PTK2: variants seen among roughly 807,000 people sequenced by gnomAD.
PTK2 encodes the protein focal adhesion kinase 1.
Under a neutral mutation model 150.1 loss-of-function variants are expected in PTK2, and 45 were observed. The observed-to-expected ratio is 0.30, with a 90% CI of 0.24 to 0.38. The LOEUF (loss-of-function observed/expected upper bound fraction) is 0.38, where lower values mean the gene tolerates loss of function less well. Among genes scored for constraint, PTK2 ranks in the 10% least tolerant of loss-of-function variants. PTK2 has a pLI of 1.00. For missense variants in PTK2, 919 were observed against 1,307.3 expected (o/e 0.70, Z 4.58); for synonymous variants, 432 against 449.2 (o/e 0.96, Z 0.48).
chr8:140,694,666 C>T (rs754808205), intron 26 of PTK2, among the ~76,000 whole-genome samples: 1 of 152,134 alleles, frequency 6.6e-6, no homozygotes, highest in Non-Finnish European at 1.5e-5. Flanking sequence ...TAGCTCTGGG[C>T]CTAGCTCATG....
At chr8:140,758,670 A>G (rs73369982) in intron 16 of PTK2, among the ~76,000 whole-genome samples, 6,206 of 152,310 alleles carry the variant, frequency 0.041, 332 homozygotes, top group African/African-American at 0.12. Context: ...AATAGAAAAA[A>G]GCTTAAAAGG....
rs896124755 is a variant in PTK2, at chr8:140,845,009, T to A, written c.593+1251A>T. Among the ~76,000 whole-genome samples the A allele has an allele frequency of 2.0e-5, 3 of 152,058 alleles. No individual in the cohort carries two copies. In the South Asian group the frequency reaches 6.2e-4, roughly 32 times the overall value. On this transcript the variant is annotated intron_variant, in intron 7 of 31. Coordinates refer to ENST00000522684, the Ensembl canonical transcript of PTK2. ...CTCCCTGTCCCTAATTCAAATGTAA[T>A]CAGCCTCCAGTCAGACTCTACCTCT...
intron 8 of PTK2, among the ~76,000 whole-genome samples, chr8:140,827,559 A>G (rs1381081786): frequency 6.6e-6 from 1 of 152,126 alleles, no homozygotes; most frequent in African/African-American, 2.4e-5. Context: ...GTGGGGATGG[A>G]GAGCAGTAGG....
intron 22 of PTK2, among the ~76,000 whole-genome samples, chr8:140,733,893 T>C (rs1227948409): frequency 6.6e-6 from 1 of 152,174 alleles, no homozygotes; most frequent in Non-Finnish European, 1.5e-5. Flanking sequence ...TGTATTGTAA[T>C]AACCAGTGAT....
At chr8:140,878,698 C>T (rs1214541331) in intron 4 of PTK2, among the ~76,000 whole-genome samples, 1 of 152,160 alleles carries the variant, frequency 6.6e-6, no homozygotes, top group Non-Finnish European at 1.5e-5. Flanking sequence ...TGAATGCACT[C>T]TTCAGCCTAC....
At chr8:140,749,643 C>G (rs1022105904) in intron 17 of PTK2, among the ~76,000 whole-genome samples, 4 of 152,198 alleles carry the variant, frequency 2.6e-5, no homozygotes, top group African/African-American at 9.6e-5. Context: ...GAGCTGAATA[C>G]TTGGGACAGG....
exon 32 of PTK2, chr8:140,658,803 CAT>C (rs2075685439): frequency 2.7e-5 from 6 of 225,662 alleles, no homozygotes; most frequent in Admixed American, 2.3e-4. Flanking sequence ...TGAAAAAAGA[CAT>C]GAGTTTTTAG....
chr8:140,814,038 A>G (rs1368941191), intron 10 of PTK2, among the ~76,000 whole-genome samples: 1 of 152,228 alleles, frequency 6.6e-6, no homozygotes, highest in Non-Finnish European at 1.5e-5. Flanking sequence ...CTATGCACAT[A>G]AACCAGAAAA....
exon 30 of PTK2, chr8:140,668,345 C>T: frequency 6.2e-7 from 1 of 1,614,102 alleles, no homozygotes; most frequent in South Asian, 1.1e-5. Context: ...TTTCACCAGG[C>T]CCGTCACATT....
intron 4 of PTK2, among the ~76,000 whole-genome samples, chr8:140,875,193 G>A (rs2100144809): frequency 6.6e-6 from 1 of 152,146 alleles, no homozygotes; most frequent in Admixed American, 6.5e-5. Context: ...AACATACTCA[G>A]CAGAGTCACA....
intron 1 of PTK2, among the ~76,000 whole-genome samples, chr8:140,980,800 G>A (rs1376792249): frequency 6.8e-6 from 1 of 146,970 alleles, no homozygotes; most frequent in Non-Finnish European, 1.5e-5. Flanking sequence ...GCCTGGGTTG[G>A]TGTGCAGTGG....
intron 12 of PTK2, chr8:140,799,250 C>T (rs1036197976): frequency 1.3e-5 from 2 of 152,308 alleles, no homozygotes; most frequent in Non-Finnish European, 2.9e-5. Context: ...CTTCCTCAAA[C>T]TGCTTTGTAA....
chr8:140,700,955 A>T, exon 26 of PTK2: 1 of 1,613,914 alleles, frequency 6.2e-7, no homozygotes, highest in South Asian at 1.1e-5. Flanking sequence ...CTGTCGGATT[A>T]GACGCTCTTC....
intron 1 of PTK2, among the ~76,000 whole-genome samples, chr8:140,939,902 T>C (rs919077731): frequency 2.0e-5 from 3 of 152,222 alleles, no homozygotes; most frequent in Non-Finnish European, 2.9e-5. Context: ...TACATCAAAA[T>C]CTAGGCGAAG....
chr8:140,875,420 A>C (rs951671544), intron 4 of PTK2, among the ~76,000 whole-genome samples: 17 of 152,226 alleles, frequency 1.1e-4, no homozygotes, highest in African/African-American at 4.1e-4. Flanking sequence ...AAATATATTA[A>C]AGAATTTAAT....
chr8:140,931,524 C>T (rs2100171765), intron 1 of PTK2, among the ~76,000 whole-genome samples: 1 of 151,968 alleles, frequency 6.6e-6, no homozygotes, highest in Non-Finnish European at 1.5e-5. Flanking sequence ...CATGATTGTG[C>T]CAATGCACAT....
chr8:140,715,418 C>T (rs1054348323), intron 23 of PTK2, among the ~76,000 whole-genome samples: 88 of 151,978 alleles, frequency 5.8e-4, no homozygotes, highest in African/African-American at 1.9e-3. Flanking sequence ...GTGATCTGCT[C>T]GCCTCGGCCT....
intron 31 of PTK2, among the ~76,000 whole-genome samples, chr8:140,661,005 T>C (rs528363913): frequency 2.1e-4 from 32 of 152,292 alleles, no homozygotes; most frequent in African/African-American, 7.0e-4. Context: ...TATAATACAC[T>C]GGAATAAATC....
At chr8:140,824,003 A>G (rs2100110424) in intron 8 of PTK2, among the ~76,000 whole-genome samples, 1 of 152,310 alleles carries the variant, frequency 6.6e-6, no homozygotes, top group Admixed American at 6.5e-5. Context: ...GCATCTGATG[A>G]CTAAGAATCT....
Sources: allele counts gnomAD v4.1 joint callset (sites outside exome capture counted in the v4.1 genomes callset), GRCh38; gene constraint gnomAD v4.1.1; transcripts MANE v1.5; gene names NCBI Gene and HGNC (gene_info 2026-07-23, HGNC 2026-07-21).